The following MARCHF11 variants were observed in gnomAD, a reference collection of about 807,000 sequenced individuals.
MARCHF11 encodes membrane associated ring-CH-type finger 11.
In MARCHF11, 29 loss-of-function variants were observed where a neutral mutation model predicts 37.3. The observed-to-expected ratio is 0.78, with a 90% CI of 0.58 to 1.06. MARCHF11 has a LOEUF of 1.06. MARCHF11 is among the 50% of genes least tolerant of loss of function. The probability of loss-of-function intolerance (pLI) is 0.00; values close to 1 mark genes in which losing one functional copy is unlikely to be tolerated. For missense variants in MARCHF11, 482 were observed against 533.4 expected (o/e 0.90, Z 0.95); for synonymous variants, 233 against 228.0 (o/e 1.02, Z -0.20).
intron 2 of MARCHF11, among the ~76,000 whole-genome samples, chr5:16,166,891 ATGTGTG>A (rs3993864): frequency 0.92 from 137,478 of 149,340 alleles, 63,846 homozygotes; most frequent in Non-Finnish European, 0.98. Flanking sequence ...AACCAACAGG[ATGTGTG>A]TGTGTGTGTG....
chr5:16,109,616 T>C (rs1737103888), intron 2 of MARCHF11, among the ~76,000 whole-genome samples: 1 of 152,136 alleles, frequency 6.6e-6, no homozygotes. Flanking sequence ...TTCTCTGAGC[T>C]CTGTGAACCA....
intron 1 of MARCHF11, among the ~76,000 whole-genome samples, chr5:16,178,436 T>C (rs1041539143): frequency 1.3e-5 from 2 of 152,250 alleles, no homozygotes; most frequent in African/African-American, 2.4e-5. Flanking sequence ...GCATGATTAC[T>C]CTCATATAAG....
chr5:16,084,089 C>G (rs1736654754), intron 3 of MARCHF11, among the ~76,000 whole-genome samples: 1 of 151,848 alleles, frequency 6.6e-6, no homozygotes, highest in Admixed American at 6.6e-5. Context: ...GCTACTCCAT[C>G]TGGAAAAAAA....
At chr5:16,085,807 G>C (rs1003916203) in intron 3 of MARCHF11, among the ~76,000 whole-genome samples, 8 of 151,468 alleles carry the variant, frequency 5.3e-5, no homozygotes, top group Non-Finnish European at 1.0e-4. Context: ...AAAAAATTAG[G>C]TGGGCGCCTG....
intron 2 of MARCHF11, among the ~76,000 whole-genome samples, chr5:16,174,822 A>T (rs1287748569): frequency 2.0e-5 from 3 of 152,146 alleles, no homozygotes; most frequent in Non-Finnish European, 2.9e-5. Context: ...CCTATGGGGG[A>T]TAAAGATGGC....
intron 2 of MARCHF11, among the ~76,000 whole-genome samples, chr5:16,115,776 C>T (rs150247346): frequency 6.6e-5 from 10 of 152,004 alleles, no homozygotes; most frequent in East Asian, 5.8e-4. Context: ...TACAGGTACA[C>T]GCCACCATGC....
intron 2 of MARCHF11, among the ~76,000 whole-genome samples, chr5:16,149,037 T>C (rs765030362): frequency 4.3e-4 from 66 of 152,146 alleles, no homozygotes; most frequent in Admixed American, 5.9e-4. Context: ...GGTCAATCTG[T>C]AGAGAGTTCC....
In MARCHF11 at chr5:16,179,136, C is replaced by G; in HGVS notation, c.440G>C (p.Ser147Thr). ...DQPETRSVCS[S>T]RSSSSGGGDQ... ...GCCGCCGCCACTGCTGCTGCTGCGGCTGCTGCACACCGAGCGCGTCTCGGG... is the reference window on the plus strand; with the variant it reads ...GCCGCCGCCACTGCTGCTGCTGCGGGTGCTGCACACCGAGCGCGTCTCGGG... Residue 147 changes from serine (S) to threonine (T), a missense_variant, in exon 1 of 4, where the codon AGC becomes ACC. By Grantham distance (58) the Ser-to-Thr change is moderately conservative (BLOSUM62 1). Transcript: ENST00000332432. 1 of 1,481,606 alleles carries G rather than the reference C, an allele frequency of 6.7e-7. No individual in the cohort carries two copies. Among genetic ancestry groups the G allele is most frequent in the Non-Finnish European group, 8.9e-7 (1 of 1,123,024 alleles). The allele number at this position is 1,481,606 out of a possible 1,614,324, so 91.8% of individuals were successfully genotyped here.
At chr5:16,161,223 T>A (rs1738071932) in intron 2 of MARCHF11, among the ~76,000 whole-genome samples, 1 of 123,454 alleles carries the variant, frequency 8.1e-6, no homozygotes. Flanking sequence ...TTTTAACAGA[T>A]GATCTAAATT....
chr5:16,127,707 C>T (rs1737434780), intron 2 of MARCHF11, among the ~76,000 whole-genome samples: 1 of 152,210 alleles, frequency 6.6e-6, no homozygotes, highest in Admixed American at 6.5e-5. Context: ...CAACCCAGCT[C>T]CTAAGGCACA....
At position 16,079,483 on chromosome 5, in the gene MARCHF11, T is replaced by C. The variant is rs541451927; in HGVS notation, c.886+11406A>G. On this transcript the variant is annotated intron_variant, in intron 3 of 3. Transcript: ENST00000332432. Reference sequence around the variant, plus strand: ...TTGCTGCTCTGCCTTCCAGAAACTCTGGAGAACAAGACCCAATCTTAACCC... The same window carrying C: ...TTGCTGCTCTGCCTTCCAGAAACTCCGGAGAACAAGACCCAATCTTAACCC... Among the ~76,000 whole-genome samples the C allele has an allele frequency of 1.7e-4, 26 of 152,330 alleles. No individual in the cohort carries two copies. In the South Asian group the frequency reaches 5.4e-3, roughly 32 times the overall value.
chr5:16,105,857 C>T (rs1737031507), intron 2 of MARCHF11, among the ~76,000 whole-genome samples: 1 of 152,172 alleles, frequency 6.6e-6, no homozygotes, highest in Admixed American at 6.5e-5. Flanking sequence ...CCCCTCCCAT[C>T]TCTGGTTTTG....
At chr5:16,108,605 GAT>G (rs1315666870) in intron 2 of MARCHF11, among the ~76,000 whole-genome samples, 1 of 152,098 alleles carries the variant, frequency 6.6e-6, no homozygotes, top group Non-Finnish European at 1.5e-5. Flanking sequence ...CAGAGGACCA[GAT>G]ATGTTTGCTT....
intron 2 of MARCHF11, 147 bp from the exon 3 acceptor site, chr5:16,091,228 G>A: frequency 1.7e-6 from 1 of 580,624 alleles, no homozygotes; most frequent in Non-Finnish European, 2.8e-6. Context: ...TTTCATCCAG[G>A]CTATAAAAAA....
At chr5:16,104,675 T>G (rs1034683362) in intron 2 of MARCHF11, among the ~76,000 whole-genome samples, 2 of 143,480 alleles carry the variant, frequency 1.4e-5, no homozygotes, top group Non-Finnish European at 3.0e-5. Flanking sequence ...GAAGGCCATT[T>G]ACCTCAAAAA....
intron 2 of MARCHF11, among the ~76,000 whole-genome samples, chr5:16,124,113 A>G (rs116412123): frequency 6.6e-6 from 1 of 152,192 alleles, no homozygotes; most frequent in Non-Finnish European, 1.5e-5. Flanking sequence ...AGGCCTGGGA[A>G]GTTCATTTTA....
chr5:16,129,621 T>G (rs1000042274), intron 2 of MARCHF11, among the ~76,000 whole-genome samples: 1 of 152,192 alleles, frequency 6.6e-6, no homozygotes, highest in African/African-American at 2.4e-5. Context: ...TTCAAACAAC[T>G]TGTTGGCTCA....
intron 2 of MARCHF11, among the ~76,000 whole-genome samples, chr5:16,167,959 A>G (rs971430647): frequency 1.6e-4 from 25 of 152,218 alleles, no homozygotes; most frequent in African/African-American, 6.0e-4. Flanking sequence ...AACAAAGAAT[A>G]CTTTGAGGCT....
chr5:16,071,818 G>A (rs1736442082), intron 3 of MARCHF11, among the ~76,000 whole-genome samples: 1 of 152,090 alleles, frequency 6.6e-6, no homozygotes, highest in African/African-American at 2.4e-5. Context: ...AAGTTTGGTT[G>A]TTTTTCTGAT....
Sources: gnomAD v4.1 joint callset for allele counts (sites outside exome capture counted in the v4.1 genomes callset) on GRCh38, gnomAD v4.1.1 for gene constraint, MANE v1.5 for transcripts, NCBI Gene and HGNC (gene_info 2026-07-23, HGNC 2026-07-21) for gene names.